DEPDC5: variants seen among roughly 807,000 people sequenced by gnomAD.
The protein encoded by DEPDC5 is DEP domain containing 5, GATOR1 subcomplex subunit, also known as GATOR1 complex protein DEPDC5.
In DEPDC5, 73 loss-of-function variants were observed where a neutral mutation model predicts 217.3. The ratio of observed to expected loss-of-function variants is 0.34; its 90% CI spans 0.28 to 0.41. The LOEUF is 0.41. Ranked by LOEUF, DEPDC5 falls within the 10% of genes least tolerant of loss-of-function variation. The pLI, the probability that DEPDC5 is intolerant of heterozygous loss-of-function variation, is 1.00. For missense variants in DEPDC5, 1,675 were observed against 2,070.1 expected (o/e 0.81, Z 3.70); for synonymous variants, 733 against 756.7 (o/e 0.97, Z 0.51).
In DEPDC5 at chr22:31,804,865, T is replaced by C. The variant is rs2148656097; in HGVS notation, c.1167T>C (p.Arg389=). 1 of 1,613,956 alleles carries C rather than the reference T, an allele frequency of 6.2e-7. No individual in the cohort carries two copies. Among genetic ancestry groups the C allele is most frequent in the East Asian group, 2.2e-5 (1 of 44,864 alleles). The change falls in exon 17 of 43, where the codon CGT becomes CGC. Residue 389 remains arginine (R), a synonymous_variant. Transcript: ENST00000651528. ...LFKLHNRSAP[R]DSRLGDDYNI... is the part of the protein sequence containing the mutation. Reference sequence around the variant, plus strand: ...AGCTCCATAATCGGAGTGCTCCCCGTGATTCTCGTCTGGGCGATGACTATA... The same window carrying C: ...AGCTCCATAATCGGAGTGCTCCCCGCGATTCTCGTCTGGGCGATGACTATA...
rs773631908 is a variant in DEPDC5 at position 31,819,188 on chromosome 22, G to A, written c.1833G>A (p.Thr611=). The A allele has an allele frequency of 2.1e-5, 34 of 1,614,040 alleles. No homozygotes were observed. The highest frequency in any genetic ancestry group is 3.3e-5 in the South Asian group (3 of 91,086). Residue 611 remains threonine, a synonymous_variant, in exon 22 of 43, where the codon ACG becomes ACA. Transcript: ENST00000651528. ...FAPSRMPMKL[T]SNRRRWMHTF... is the part of the protein sequence containing the mutation. The stretch of plus-strand genomic sequence containing the variant: ...CCTCTCGGATGCCCATGAAGCTTAC[G>A]TCCAACAGAAGGCGCTGGATGCACA...
At chr22:31,776,381 T>C (rs5998121) in intron 7 of DEPDC5, among the ~76,000 whole-genome samples, 49,696 of 151,504 alleles carry the variant, frequency 0.33, 9,330 homozygotes, top group African/African-American at 0.53. Context: ...CAAAGTGTTG[T>C]GATTATAGGT....
At chr22:31,808,496 A>C (rs1177252912) in intron 18 of DEPDC5, among the ~76,000 whole-genome samples, 1 of 150,282 alleles carries the variant, frequency 6.7e-6, no homozygotes, top group Non-Finnish European at 1.5e-5. Flanking sequence ...GTGCAATGGC[A>C]CAATCTCGGC....
At chr22:31,788,497 C>T (rs1225017327) in intron 10 of DEPDC5, among the ~76,000 whole-genome samples, 1 of 150,592 alleles carries the variant, frequency 6.6e-6, no homozygotes, top group Non-Finnish European at 1.5e-5. Flanking sequence ...AGGCTGATCT[C>T]GAACTCCTGA....
chr22:31,822,556 G>A, intron 23 of DEPDC5, 137 bp from the exon 24 acceptor site: 1 of 754,080 alleles, frequency 1.3e-6, no homozygotes, highest in African/African-American at 1.7e-5. Flanking sequence ...AAGGATTCCA[G>A]TGGCTGCCAG....
At chr22:31,792,243 A>T (rs2085748760) in intron 11 of DEPDC5, 141 bp downstream of exon 11, 1 of 645,794 alleles carries the variant, frequency 1.5e-6, no homozygotes, top group Non-Finnish European at 2.7e-6. Context: ...TGTAAAAGGG[A>T]AAGTAGCACA....
At chr22:31,757,574 A>T (rs2082039561) in intron 2 of DEPDC5, 1 of 152,194 alleles carries the variant, frequency 6.6e-6, no homozygotes, top group African/African-American at 2.4e-5. Context: ...GTCTGATTAT[A>T]TTTGAAATCT....
intron 22 of DEPDC5, 61 bp from the exon 23 acceptor site, chr22:31,821,441 T>G: frequency 1.3e-6 from 2 of 1,595,896 alleles, no homozygotes; most frequent in Non-Finnish European, 1.7e-6. Flanking sequence ...GAGAGTATAG[T>G]TAAGTGCACA....
chr22:31,870,931 C>A lies in DEPDC5; in HGVS notation c.3485+187C>A, dbSNP rs184633031. On this transcript the variant is annotated intron_variant, in intron 34 of 42. Transcript: ENST00000651528. Reference sequence around the variant, plus strand: ...GGACTAATGATCTGTTTCCTGCCATCCTCACAGGATAGCTAAGAGGTTCCC... The same window carrying A: ...GGACTAATGATCTGTTTCCTGCCATACTCACAGGATAGCTAAGAGGTTCCC... Among the ~76,000 whole-genome samples the A allele has an allele frequency of 2.5e-3, 375 of 152,346 alleles. 3 individuals carry two copies. The highest frequency in any genetic ancestry group is 8.3e-3 in the African/African-American group (345 of 41,578).
Position 31,882,318 on chromosome 22 carries a change from A to G in DEPDC5, c.4033+2566A>G, listed in dbSNP as rs1001695683. Among the ~76,000 whole-genome samples, 4 of 152,176 alleles carry G rather than the reference A, an allele frequency of 2.6e-5. No individual in the cohort carries two copies. The East Asian group carries it at 7.7e-4, about 29-fold the overall frequency. On this transcript the variant is annotated intron_variant, in intron 38 of 42. Transcript: ENST00000651528. ...GCTAGGTGCTTTCAGATACGCACCA[A>G]AGAGAGAGCTGAAAAGTCAACTTCC...
In DEPDC5 at chr22:31,821,677, C is replaced by G. The variant is rs1356472825; in HGVS notation, c.2006+40C>G. On this transcript the variant is annotated intron_variant, in intron 23 of 42. Transcript: ENST00000651528. The stretch of plus-strand genomic sequence containing the variant: ...AGGGCTCTGGAAGGTAACCTGAGAA[C>G]ACTCTCCAGCACCCAGGACAATGTG... 3.1e-6 allele frequency: 5 copies of G among 1,598,734 alleles called. No individual in the cohort carries two copies. The Admixed American group carries it at 6.7e-5, about 21-fold the overall frequency.
At chr22:31,811,460 T>G (rs993343914) in intron 20 of DEPDC5, among the ~76,000 whole-genome samples, 2 of 152,212 alleles carry the variant, frequency 1.3e-5, no homozygotes, top group African/African-American at 4.8e-5. Context: ...GACACAGCGT[T>G]TAAGTTTATT....
chr22:31,810,526 G>A lies in DEPDC5; in HGVS notation c.1330G>A (p.Gly444Arg), dbSNP rs201394709. The A allele has an allele frequency of 1.0e-3, 1,619 of 1,614,046 alleles. 3 individuals carry two copies. Among genetic ancestry groups the A allele is most frequent in the South Asian group, 1.8e-3 (167 of 91,064 alleles). ...ATATTATTTGTGTATTTCAGCTCTC[G>A]GGAGTCCAAAAGAATCTGAGAACGC... ...KAKNGRDTSL[G>R]SPKESENALP... Residue 444 changes from glycine to arginine, a missense_variant, in exon 20 of 43, where the codon GGG (glycine) becomes AGG (arginine). By Grantham distance (125) the Gly-to-Arg change is moderately radical. Coordinates refer to ENST00000651528, the MANE Select transcript of DEPDC5 (RefSeq NM_001242896.3).
chr22:31,794,840 C>A (rs1212011294), intron 12 of DEPDC5, among the ~76,000 whole-genome samples: 1 of 152,164 alleles, frequency 6.6e-6, no homozygotes, highest in East Asian at 1.9e-4. Flanking sequence ...GAGCCAAGAT[C>A]ATGCCACTGC....
At chr22:31,884,239 A>G (rs942785923) in intron 38 of DEPDC5, among the ~76,000 whole-genome samples, 1 of 152,096 alleles carries the variant, frequency 6.6e-6, no homozygotes, top group Non-Finnish European at 1.5e-5. Flanking sequence ...CTCCACCTGC[A>G]CACAAGACCC....
intron 36 of DEPDC5, chr22:31,875,904 G>T (rs1178341817): frequency 5.5e-6 from 2 of 366,718 alleles, no homozygotes; most frequent in Non-Finnish European, 1.0e-5. Flanking sequence ...AAGTGCTGGG[G>T]TTACAGGCGT....
intron 7 of DEPDC5, chr22:31,769,402 T>C (rs774985923): frequency 2.7e-5 from 4 of 150,676 alleles, no homozygotes. Context: ...AAAAAGGAGA[T>C]AGAGACTCGT....
At chr22:31,759,608 G>A (rs973726742) in intron 3 of DEPDC5, among the ~76,000 whole-genome samples, 3 of 148,460 alleles carry the variant, frequency 2.0e-5, no homozygotes, top group African/African-American at 5.0e-5. Flanking sequence ...TCCTGACCTC[G>A]TGATCCGCCT....
Position 31,846,943 on chromosome 22 carries a change from T to A in DEPDC5, c.3131T>A (p.Leu1044Gln). ...GKKGTSALSA[L>Q]LEMEASQKCL... ...AAGGGAACCTCAGCTCTCTCTGCCC[T>A]GTTGGAGATGGAGGCCAGTCAGAAG... The change falls in exon 31 of 43, where the codon CTG becomes CAG. Residue 1044 changes from leucine (L) to glutamine (Q), a missense_variant. Around this residue, in one of 11 missense-constraint regions of DEPDC5, gnomAD observed 293 missense variants for 386.1 expected, o/e 0.76. Coordinates refer to ENST00000651528, the MANE Select transcript of DEPDC5 (RefSeq NM_001242896.3). 1 of 1,614,268 alleles carries A rather than the reference T, an allele frequency of 6.2e-7. No homozygotes were observed. Among genetic ancestry groups the A allele is most frequent in the Non-Finnish European group, 8.5e-7 (1 of 1,180,044 alleles).
Sources: gnomAD v4.1 joint callset for allele counts (sites outside exome capture counted in the v4.1 genomes callset) on GRCh38, gnomAD v4.1.1 for gene constraint, gnomAD v4.1.1 regional missense constraint, MANE v1.5 for transcripts, NCBI Gene and HGNC (gene_info 2026-07-23, HGNC 2026-07-21) for gene names.